WDR12: variants seen among roughly 807,000 people sequenced by gnomAD.
The protein encoded by WDR12 is ribosome biogenesis protein WDR12.
A neutral mutation model predicts 64.3 loss-of-function variants in WDR12; 42 were observed. The observed-to-expected ratio is 0.65, with a 90% CI of 0.51 to 0.84. The LOEUF (loss-of-function observed/expected upper bound fraction) is 0.84. WDR12 is among the 40% of genes least tolerant of loss of function. The probability of loss-of-function intolerance (pLI) is 0.00; values close to 1 mark genes in which losing one functional copy is unlikely to be tolerated. For synonymous variants in WDR12, 158 were observed against 173.3 expected (o/e 0.91, Z 0.70); for missense variants, 469 against 494.6 (o/e 0.95, Z 0.49).
chr2:202,910,114 A>T (rs555182897), intron 1 of WDR12, among the ~76,000 whole-genome samples: 21 of 152,218 alleles, frequency 1.4e-4, no homozygotes, highest in South Asian at 1.0e-3. Context: ...TAATTTCTAC[A>T]TTTTTTTACC....
Position 202,877,136 on chromosome 2 carries a change from T to C in WDR12, c.*3724A>G, listed in dbSNP as rs1415550177. 1 of 151,742 alleles carries C rather than the reference T, an allele frequency of 6.6e-6. No homozygotes were observed. Among genetic ancestry groups the C allele is most frequent in the Non-Finnish European group, 1.5e-5 (1 of 67,950 alleles). The allele number at this position is 151,742 out of a possible 1,614,324, so 9.4% of individuals were successfully genotyped here. ...TATATTTTTTTTTTTGCAGGGTTGCTTGTTCCATTATATGCATTTTATATC... is the reference window on the plus strand; with the variant it reads ...TATATTTTTTTTTTTGCAGGGTTGCCTGTTCCATTATATGCATTTTATATC... On this transcript the variant is annotated 3_prime_UTR_variant, in exon 13 of 13. Transcript: ENST00000261015.
chr2:202,897,350 G>C lies in WDR12; in HGVS notation c.404C>G (p.Thr135Arg). The C allele has an allele frequency of 6.3e-7, 1 of 1,596,550 alleles. No homozygotes were observed. Among genetic ancestry groups the C allele is most frequent in the Non-Finnish European group, 8.5e-7 (1 of 1,172,898 alleles). Residue 135 changes from threonine to arginine, a missense_variant, in exon 5 of 13, where the codon ACA becomes AGA. Coordinates refer to ENST00000261015, the MANE Select transcript of WDR12 (RefSeq NM_018256.4). ...IWSLEGKSIM[T>R]IVGHTDVVKD... ...TACAACATCCGTATGTCCCACAATTGTCATTATTGACTTTCCTTCCAAGGA... is the reference window on the plus strand; with the variant it reads ...TACAACATCCGTATGTCCCACAATTCTCATTATTGACTTTCCTTCCAAGGA...
At chr2:202,909,914 G>A (rs1185543627) in intron 1 of WDR12, among the ~76,000 whole-genome samples, 2 of 151,928 alleles carry the variant, frequency 1.3e-5, no homozygotes, top group Non-Finnish European at 2.9e-5. Context: ...TCCCACCTCA[G>A]CCTCCCAAGT....
intron 5 of WDR12, among the ~76,000 whole-genome samples, chr2:202,896,662 G>A (rs571302828): frequency 1.3e-5 from 2 of 152,288 alleles, no homozygotes; most frequent in East Asian, 1.9e-4. Flanking sequence ...CTACACTCTA[G>A]CCTGGGCGAC....
intron 2 of WDR12, among the ~76,000 whole-genome samples, chr2:202,905,181 T>C (rs1042117849): frequency 6.6e-6 from 1 of 152,232 alleles, no homozygotes; most frequent in African/African-American, 2.4e-5. Context: ...AGTCCTGCTC[T>C]GTCACCCAGG....
chr2:202,877,627 G>A lies in WDR12; in HGVS notation c.*3233C>T, dbSNP rs1412495903. 6.6e-5 allele frequency: 10 copies of A among 152,248 alleles called. No homozygotes were observed. Among genetic ancestry groups the A allele is most frequent in the Admixed American group, 6.5e-4 (10 of 15,282 alleles). The allele number at this position is 152,248 out of a possible 1,614,324, so 9.4% of individuals were successfully genotyped here. A position where few individuals can be genotyped will look rare whatever the true frequency, so the allele number is the denominator to read the frequency against. On this transcript the variant is annotated 3_prime_UTR_variant, in exon 13 of 13. Transcript: ENST00000261015. ...TGCAGTAAGCCAAGATTACACCATTGTACTCCAGTATGGGTGACATAGTGA... is the reference window on the plus strand; with the variant it reads ...TGCAGTAAGCCAAGATTACACCATTATACTCCAGTATGGGTGACATAGTGA...
chr2:202,880,951 G>T lies in WDR12; in HGVS notation c.1195-14C>A. ...ACTCAGAAGTAGCTGTGTAAAAGGA[G>T]AGAAAAAGACAAGAAAACATAAATA... On this transcript the variant is annotated splice_polypyrimidine_tract_variant and intron_variant, in intron 12 of 12. Coordinates refer to ENST00000261015, the MANE Select transcript of WDR12 (RefSeq NM_018256.4). 6.3e-7 allele frequency: 1 copy of T among 1,585,690 alleles called. No individual in the cohort carries two copies. The highest frequency in any genetic ancestry group is 1.2e-5 in the South Asian group (1 of 85,128).
At chr2:202,884,166 C>T (rs374208135) in intron 10 of WDR12, 32 bp downstream of exon 10, 6 of 1,587,748 alleles carry the variant, frequency 3.8e-6, no homozygotes, top group Non-Finnish European at 4.3e-6. Flanking sequence ...GTTATTCACA[C>T]ATATATTCCC....
In WDR12 at chr2:202,907,993, C is replaced by CT; in HGVS notation, c.42-35dup. On this transcript the variant is annotated intron_variant, in intron 1 of 12. Coordinates refer to ENST00000261015, the MANE Select transcript of WDR12 (RefSeq NM_018256.4). ...AGGAAATGATATGTCAAGATCAAGT[C>CT]TACAGATATTTGAACAAACATGCTT... 4 of 1,575,748 alleles carry CT rather than the reference C, an allele frequency of 2.5e-6. No homozygotes were observed. The African/African-American group carries it at 5.4e-5, about 21-fold the overall frequency.
At chr2:202,899,384 T>C (rs1688309908) in intron 4 of WDR12, 147 bp downstream of exon 4, 1 of 665,638 alleles carries the variant, frequency 1.5e-6, no homozygotes. Context: ...AAGATCTTTC[T>C]GTTTGCCATG....
In WDR12 at chr2:202,880,681, AC is replaced by A. The variant is rs1431925161; in HGVS notation, c.*178del. ...ATGCCACAGTTTGTATTTTATAAAC[AC>A]AACCTATCTTATTATAAATACAAAA... On this transcript the variant is annotated 3_prime_UTR_variant, in exon 13 of 13. Coordinates refer to ENST00000261015, the MANE Select transcript of WDR12 (RefSeq NM_018256.4). The A allele has an allele frequency of 2.5e-6, 1 of 393,896 alleles. No homozygotes were observed. Among genetic ancestry groups the A allele is most frequent in the African/African-American group, 2.1e-5 (1 of 48,272 alleles). 24.4% of individuals were successfully genotyped at this position (393,896 alleles called of 1,614,324 possible).
At chr2:202,909,229 T>C (rs1309923085) in intron 1 of WDR12, among the ~76,000 whole-genome samples, 1 of 152,132 alleles carries the variant, frequency 6.6e-6, no homozygotes, top group South Asian at 2.1e-4. Context: ...ACACGAAAAC[T>C]TGTACGAGTG....
At chr2:202,892,113 A>G (rs1486734175) in intron 8 of WDR12, among the ~76,000 whole-genome samples, 1 of 152,240 alleles carries the variant, frequency 6.6e-6, no homozygotes, top group Admixed American at 6.5e-5. Flanking sequence ...AAGTATTTTT[A>G]AAAGTAAGAA....
chr2:202,880,419 G>A lies in WDR12; in HGVS notation c.*441C>T, dbSNP rs908144321. The A allele has an allele frequency of 1.3e-5, 2 of 152,948 alleles. No homozygotes were observed. The highest frequency in any genetic ancestry group is 4.8e-5 in the African/African-American group (2 of 41,402). 9.5% of individuals were successfully genotyped at this position (152,948 alleles called of 1,614,324 possible). On this transcript the variant is annotated 3_prime_UTR_variant, in exon 13 of 13. Transcript: ENST00000261015. ...AAAAATTAGCAGGACATCGTGATGT[G>A]TGCCTGTAATCCCAGCTACTTGGGA...
chr2:202,881,926 T>G (rs1687955008), intron 12 of WDR12, among the ~76,000 whole-genome samples: 1 of 152,020 alleles, frequency 6.6e-6, no homozygotes, highest in Admixed American at 6.6e-5. Context: ...AATTTCAAAT[T>G]TACTATTCCT....
At chr2:202,889,652 C>T (rs976829094) in intron 8 of WDR12, among the ~76,000 whole-genome samples, 7 of 150,414 alleles carry the variant, frequency 4.7e-5, no homozygotes, top group Non-Finnish European at 7.4e-5. Context: ...TGGTAGCTCA[C>T]GCCCGTAATC....
At chr2:202,889,040 G>A (rs911219955) in intron 8 of WDR12, among the ~76,000 whole-genome samples, 1 of 152,096 alleles carries the variant, frequency 6.6e-6, no homozygotes, top group East Asian at 1.9e-4. Flanking sequence ...CATTTTCATT[G>A]TAATTGGCAC....
chr2:202,904,864 T>C (rs945227204), intron 2 of WDR12, among the ~76,000 whole-genome samples: 3 of 152,164 alleles, frequency 2.0e-5, no homozygotes, highest in Admixed American at 2.0e-4. Context: ...AAGGAAACAA[T>C]TAACAAAGTG....
intron 2 of WDR12, among the ~76,000 whole-genome samples, chr2:202,901,577 AAT>A (rs1284307965): frequency 6.6e-6 from 1 of 152,214 alleles, no homozygotes; most frequent in African/African-American, 2.4e-5. Context: ...TCTAACATCA[AAT>A]AGTCAATGTT....
Sources: gnomAD v4.1 joint callset for allele counts (sites outside exome capture counted in the v4.1 genomes callset) on GRCh38, gnomAD v4.1.1 for gene constraint, MANE v1.5 for transcripts, NCBI Gene and HGNC (gene_info 2026-07-23, HGNC 2026-07-21) for gene names.